PCOLCE2: variants seen among roughly 807,000 people sequenced by gnomAD.
PCOLCE2 encodes procollagen C-proteinase enhancer 2.
A neutral mutation model predicts 47.0 loss-of-function variants in PCOLCE2; 42 were observed. The observed-to-expected ratio is 0.89, with a 90% CI of 0.70 to 1.16. PCOLCE2 has a LOEUF of 1.16. Ranked by LOEUF, PCOLCE2 falls within the 50% of genes most tolerant of loss-of-function variation. The pLI is 0.00. For missense variants in PCOLCE2, 500 were observed against 526.1 expected, an observed-to-expected ratio of 0.95 and a Z score of 0.49; for synonymous variants, 169 against 191.7, an observed-to-expected ratio of 0.88 and a Z score of 0.98.
At chr3:142,829,548 T>C (rs1007387956) in intron 6 of PCOLCE2, 144 bp downstream of exon 6, 46 of 569,564 alleles carry the variant, frequency 8.1e-5, no homozygotes, top group Non-Finnish European at 1.4e-4. Context: ...CTTTCATTAA[T>C]GCAGTCATAT....
chr3:142,860,006 T>A lies in PCOLCE2; in HGVS notation c.193-11534A>T, dbSNP rs556770546. Among the ~76,000 whole-genome samples, 146 of 152,358 alleles carry A rather than the reference T, an allele frequency of 9.6e-4. 1 individual carries two copies. The highest frequency in any genetic ancestry group is 3.4e-3 in the African/African-American group (143 of 41,582). ...AAAGACAGGCTTTACATGGTAGCAT[T>A]AAATTGCTACAAAAGAGAACAAATT... On this transcript the variant is annotated intron_variant, in intron 2 of 8. Transcript: ENST00000295992.
chr3:142,874,206 G>C (rs1933451464), intron 2 of PCOLCE2, among the ~76,000 whole-genome samples: 1 of 152,214 alleles, frequency 6.6e-6, no homozygotes, highest in African/African-American at 2.4e-5. Context: ...CTCTTGAGTA[G>C]TTGGGACTAC....
At chr3:142,827,473 GT>G in intron 6 of PCOLCE2, 3 of 1,520,026 alleles carry the variant, frequency 2.0e-6, no homozygotes, top group Non-Finnish European at 2.7e-6. Flanking sequence ...CAGTGGCATA[GT>G]TCCCTGATGC....
At chr3:142,863,728 T>C (rs1323564532) in intron 2 of PCOLCE2, among the ~76,000 whole-genome samples, 1 of 152,234 alleles carries the variant, frequency 6.6e-6, no homozygotes, top group Non-Finnish European at 1.5e-5. Context: ...CCACACCGTG[T>C]GCCCAAGCCT....
chr3:142,862,441 T>C (rs1281808023), intron 2 of PCOLCE2, among the ~76,000 whole-genome samples: 1 of 152,246 alleles, frequency 6.6e-6, no homozygotes, highest in African/African-American at 2.4e-5. Context: ...GTATCTCTCA[T>C]GTACTATTAA....
chr3:142,854,008 C>A (rs539756213), intron 2 of PCOLCE2, among the ~76,000 whole-genome samples: 12 of 152,250 alleles, frequency 7.9e-5, no homozygotes, highest in Admixed American at 7.2e-4. Context: ...GGGGCTCCTG[C>A]CAGAGGACAG....
At chr3:142,838,335 T>C (rs1018574985) in intron 5 of PCOLCE2, among the ~76,000 whole-genome samples, 1 of 152,086 alleles carries the variant, frequency 6.6e-6, no homozygotes, top group African/African-American at 2.4e-5. Flanking sequence ...TGGTGGGAGA[T>C]GACTGGATCA....
At chr3:142,884,624 G>A (rs1187165484) in intron 2 of PCOLCE2, among the ~76,000 whole-genome samples, 1 of 152,078 alleles carries the variant, frequency 6.6e-6, no homozygotes, top group Non-Finnish European at 1.5e-5. Flanking sequence ...AAAAACCTAA[G>A]ACCTGTTAAG....
chr3:142,855,849 C>T (rs898242098), intron 2 of PCOLCE2, among the ~76,000 whole-genome samples: 1 of 152,094 alleles, frequency 6.6e-6, no homozygotes, highest in African/African-American at 2.4e-5. Flanking sequence ...CCAGAACAGC[C>T]CTCCCACTGC....
intron 5 of PCOLCE2, among the ~76,000 whole-genome samples, chr3:142,837,275 G>A (rs1390779047): frequency 6.6e-6 from 1 of 152,204 alleles, no homozygotes; most frequent in Non-Finnish European, 1.5e-5. Flanking sequence ...AACTGTAAGA[G>A]AATACATTTG....
At chr3:142,882,193 C>T (rs57088014) in intron 2 of PCOLCE2, among the ~76,000 whole-genome samples, 1 of 119,572 alleles carries the variant, frequency 8.4e-6, no homozygotes, top group African/African-American at 2.6e-5. Flanking sequence ...CCACTCCTGG[C>T]TAATTTAAAA....
intron 6 of PCOLCE2, among the ~76,000 whole-genome samples, chr3:142,825,539 T>C (rs1167218639): frequency 1.3e-5 from 2 of 152,164 alleles, no homozygotes; most frequent in South Asian, 2.1e-4. Flanking sequence ...GATGTCTTCA[T>C]GCTATGGCTG....
chr3:142,853,288 T>C (rs1253807152), intron 2 of PCOLCE2, among the ~76,000 whole-genome samples: 1 of 152,042 alleles, frequency 6.6e-6, no homozygotes, highest in African/African-American at 2.4e-5. Context: ...ATGCTTAGGG[T>C]CTCAGTTTCA....
Position 142,818,281 on chromosome 3 carries a change from A to G in PCOLCE2, c.*54T>C. On this transcript the variant is annotated 3_prime_UTR_variant, in exon 9 of 9. Coordinates refer to ENST00000295992, the MANE Select transcript of PCOLCE2 (RefSeq NM_013363.4). ...GTATTTTTTTTTCTACTGAGAGAAC[A>G]TAGATCTTTCAAAGGCAATGGCAGA... is the stretch of plus-strand genomic sequence containing the variant. 1 of 1,518,756 alleles carries G rather than the reference A, an allele frequency of 6.6e-7. No homozygotes were observed. The highest frequency in any genetic ancestry group is 1.4e-5 in the African/African-American group (1 of 72,692). The allele number at this position is 1,518,756 out of a possible 1,614,324, so 94.1% of individuals were successfully genotyped here. A position where few individuals can be genotyped will look rare whatever the true frequency, so the allele number is the denominator to read the frequency against.
At chr3:142,877,222 T>C (rs1378365495) in intron 2 of PCOLCE2, among the ~76,000 whole-genome samples, 2 of 152,226 alleles carry the variant, frequency 1.3e-5, no homozygotes, top group African/African-American at 2.4e-5. Flanking sequence ...GGAATGCCCT[T>C]GGTTGATGAT....
chr3:142,825,525 C>T (rs1937066654), intron 6 of PCOLCE2, among the ~76,000 whole-genome samples: 1 of 152,156 alleles, frequency 6.6e-6, no homozygotes, highest in Admixed American at 6.5e-5. Context: ...CAGTTCCAGG[C>T]TCGGATGTCT....
intron 2 of PCOLCE2, among the ~76,000 whole-genome samples, chr3:142,868,701 T>C (rs1933328766): frequency 2.0e-5 from 3 of 152,188 alleles, no homozygotes. Context: ...TAGTTTAGCC[T>C]GTGCGGTCTA....
chr3:142,845,793 G>A (rs2108195967), intron 3 of PCOLCE2, among the ~76,000 whole-genome samples: 1 of 152,270 alleles, frequency 6.6e-6, no homozygotes, highest in East Asian at 1.9e-4. Context: ...TGGCCAACAT[G>A]GTGAAACACC....
intron 2 of PCOLCE2, among the ~76,000 whole-genome samples, chr3:142,857,295 G>T (rs1436743223): frequency 6.6e-6 from 1 of 152,248 alleles, no homozygotes; most frequent in Non-Finnish European, 1.5e-5. Context: ...TGTGATCAGT[G>T]TGTGTCCTGC....
Sources: gnomAD v4.1 joint callset for allele counts (sites outside exome capture counted in the v4.1 genomes callset) on GRCh38, gnomAD v4.1.1 for gene constraint, MANE v1.5 for transcripts, NCBI Gene and HGNC (gene_info 2026-07-23, HGNC 2026-07-21) for gene names.